Variants in ARL14EP observed in about 807,000 individuals in gnomAD.
ARL14EP encodes the protein ARF like GTPase 14 effector protein.
ARL14EP carries 12 observed loss-of-function variants against 23.1 expected under a neutral mutation model. The observed-to-expected ratio is 0.52, with a 90% CI of 0.33 to 0.84. The LOEUF is 0.84. Ranked by LOEUF, ARL14EP falls within the 40% of genes least tolerant of loss-of-function variation. ARL14EP has a pLI of 0.02. For synonymous variants in ARL14EP, 97 were observed against 102.0 expected, an observed-to-expected ratio of 0.95 and a Z score of 0.29; for missense variants, 253 against 307.3, an observed-to-expected ratio of 0.82 and a Z score of 1.32.
rs373951489 is a variant in ARL14EP, at chr11:30,330,752, A to G, written c.-63-134A>G. On this transcript the variant is annotated intron_variant, in intron 1 of 3. Transcript: ENST00000282032. Reference sequence around the variant, plus strand: ...GCTTCTGTTTGATTATTAAATGTCTATTATAAGACTTCGATAAATACCTTT... The same window carrying G: ...GCTTCTGTTTGATTATTAAATGTCTGTTATAAGACTTCGATAAATACCTTT... The G allele has an allele frequency of 1.0e-3, 602 of 579,602 alleles. 6 individuals are homozygous for G. In the South Asian group the frequency reaches 0.012, roughly 11 times the overall value. The allele number at this position is 579,602 out of a possible 1,614,324, so 35.9% of individuals were successfully genotyped here. A position where few individuals can be genotyped will look rare whatever the true frequency, so the allele number is the denominator to read the frequency against.
chr11:30,333,201 C>T (rs1375331556), intron 3 of ARL14EP, among the ~76,000 whole-genome samples: 3 of 152,094 alleles, frequency 2.0e-5, no homozygotes, highest in Non-Finnish European at 4.4e-5. Context: ...AAGAAGGTAG[C>T]AGTGAACTGA....
At chr11:30,336,177 A>G (rs886772644) in intron 3 of ARL14EP, among the ~76,000 whole-genome samples, 6 of 152,230 alleles carry the variant, frequency 3.9e-5, no homozygotes, top group Non-Finnish European at 8.8e-5. Context: ...CATTAATTGT[A>G]GTATAAAAAT....
intron 1 of ARL14EP, among the ~76,000 whole-genome samples, chr11:30,325,944 A>G (rs531463415): frequency 1.1e-3 from 164 of 152,326 alleles, no homozygotes; most frequent in African/African-American, 3.8e-3. Context: ...AGATGCTGAA[A>G]GAATCAGACT....
chr11:30,331,259 A>G lies in ARL14EP; in HGVS notation c.311A>G (p.Lys104Arg), dbSNP rs1434755613. 1 of 1,613,990 alleles carries G rather than the reference A, an allele frequency of 6.2e-7. No individual in the cohort carries two copies. The change falls in exon 2 of 4, where the codon AAA (lysine) becomes AGA (arginine). Residue 104 changes from lysine (K) to arginine (R), a missense_variant. Physicochemically the swap from Lys to Arg is conservative, Grantham distance 26. Coordinates refer to ENST00000282032, the MANE Select transcript of ARL14EP (RefSeq NM_152316.3). ...DLDDATFLSA[K>R]FGRQLVPGWK... is the part of the protein sequence containing the mutation. ...GATGATGCCACTTTTCTGAGTGCTA[A>G]ATTTGGAAGACAGCTTGTACCTGGT...
At chr11:30,331,567 G>T in intron 2 of ARL14EP, 193 bp downstream of exon 2, 1 of 1,428,208 alleles carries the variant, frequency 7.0e-7, no homozygotes, top group Non-Finnish European at 9.1e-7. Context: ...GATAAAGAAA[G>T]TAGGCCTGGG....
Position 30,337,844 on chromosome 11 carries a change from A to C in ARL14EP, c.*1049A>C, listed in dbSNP as rs1349067832. 1 of 152,260 alleles carries C rather than the reference A, an allele frequency of 6.6e-6. No individual in the cohort carries two copies. The highest frequency in any genetic ancestry group is 2.4e-5 in the African/African-American group (1 of 41,468). The allele number at this position is 152,260 out of a possible 1,614,324, so 9.4% of individuals were successfully genotyped here. A position where few individuals can be genotyped will look rare whatever the true frequency, so the allele number is the denominator to read the frequency against. Reference sequence around the variant, plus strand: ...CCTATTCAAACTACTTTGTTTTTACAATGAAATAAAACACTTTAATTCTAT... The same window carrying C: ...CCTATTCAAACTACTTTGTTTTTACCATGAAATAAAACACTTTAATTCTAT... On this transcript the variant is annotated 3_prime_UTR_variant, in exon 4 of 4. Coordinates refer to ENST00000282032, the MANE Select transcript of ARL14EP (RefSeq NM_152316.3).
chr11:30,335,157 C>T (rs1159084273), intron 3 of ARL14EP, among the ~76,000 whole-genome samples: 3 of 152,040 alleles, frequency 2.0e-5, no homozygotes, highest in Non-Finnish European at 2.9e-5. Flanking sequence ...TAGTTGCAGA[C>T]GTGGTGGAAA....
chr11:30,330,982 C>A lies in ARL14EP; in HGVS notation c.34C>A (p.Arg12Ser). ...MDPCSVGVQLRTTNECHKTYY... is the reference protein window; with the variant it reads ...MDPCSVGVQLSTTNECHKTYY... ...TCCATGTTCAGTTGGAGTCCAGCTTCGTACTACAAATGAGTGCCATAAAAC... is the reference window on the plus strand; with the variant it reads ...TCCATGTTCAGTTGGAGTCCAGCTTAGTACTACAAATGAGTGCCATAAAAC... The change falls in exon 2 of 4, where the codon CGT becomes AGT. Residue 12 changes from arginine (R) to serine (S), a missense_variant. Physicochemically the swap from Arg to Ser is moderately radical, Grantham distance 110. Coordinates refer to ENST00000282032, the MANE Select transcript of ARL14EP (RefSeq NM_152316.3). 1 of 1,613,744 alleles carries A rather than the reference C, an allele frequency of 6.2e-7. No individual in the cohort carries two copies. The highest frequency in any genetic ancestry group is 1.1e-5 in the South Asian group (1 of 91,070).
intron 1 of ARL14EP, among the ~76,000 whole-genome samples, chr11:30,323,442 C>T (rs1263516054): frequency 6.6e-6 from 1 of 152,244 alleles, no homozygotes; most frequent in Non-Finnish European, 1.5e-5. Flanking sequence ...CCTCTGACCT[C>T]TCTGAGGGTC....
At chr11:30,335,784 G>C (rs1473218279) in intron 3 of ARL14EP, among the ~76,000 whole-genome samples, 2 of 151,808 alleles carry the variant, frequency 1.3e-5, no homozygotes, top group African/African-American at 4.8e-5. Context: ...ATATGTGTGT[G>C]TGTGTGTGTG....
At chr11:30,328,623 T>A (rs1947260045) in intron 1 of ARL14EP, 1 of 152,214 alleles carries the variant, frequency 6.6e-6, no homozygotes, top group South Asian at 2.1e-4. Flanking sequence ...AAAGTGTATT[T>A]TATTTTTTAA....
In ARL14EP at chr11:30,335,799, T is replaced by A. The variant is rs911032752; in HGVS notation, c.555-768T>A. Reference sequence around the variant, plus strand: ...ATATGTGTGTGTGTGTGTGTGTGTGTGACTCACTTTATTGGGGGTGGTCTG... The same window carrying A: ...ATATGTGTGTGTGTGTGTGTGTGTGAGACTCACTTTATTGGGGGTGGTCTG... On this transcript the variant is annotated intron_variant, in intron 3 of 3. Transcript: ENST00000282032. Among the ~76,000 whole-genome samples the A allele has an allele frequency of 2.5e-3, 370 of 147,552 alleles. 3 individuals carry two copies. The highest frequency in any genetic ancestry group is 8.3e-3 in the African/African-American group (331 of 39,864).
At chr11:30,333,043 A>C (rs756966084) in intron 3 of ARL14EP, 50 bp downstream of exon 3, 27 of 1,604,220 alleles carry the variant, frequency 1.7e-5, no homozygotes, top group Admixed American at 5.0e-5. Context: ...TCACATCTGC[A>C]TTGTTCCCCT....
intron 1 of ARL14EP, chr11:30,330,523 A>C (rs1327674734): frequency 6.0e-6 from 1 of 166,792 alleles, no homozygotes; most frequent in Admixed American, 5.9e-5. Flanking sequence ...TGTAAGAGTC[A>C]CATATTTTGT....
intron 3 of ARL14EP, among the ~76,000 whole-genome samples, chr11:30,334,536 G>A (rs1250505681): frequency 6.6e-6 from 1 of 152,128 alleles, no homozygotes; most frequent in African/African-American, 2.4e-5. Context: ...TCTAATGGAA[G>A]AAGATGCCGT....
In ARL14EP at chr11:30,337,059, G is replaced by C. The variant is rs878990750; in HGVS notation, c.*264G>C. 42 of 407,290 alleles carry C rather than the reference G, an allele frequency of 1.0e-4. No homozygotes were observed. The South Asian group carries it at 1.2e-3, about 12-fold the overall frequency. The allele number at this position is 407,290 out of a possible 1,614,324, so 25.2% of individuals were successfully genotyped here. A position where few individuals can be genotyped will look rare whatever the true frequency, so the allele number is the denominator to read the frequency against. Reference sequence around the variant, plus strand: ...TCCTCTATTTGCATGTTTCCCATGGGCACAAATTTCAGTGACCTAGATTTA... The same window carrying C: ...TCCTCTATTTGCATGTTTCCCATGGCCACAAATTTCAGTGACCTAGATTTA... On this transcript the variant is annotated 3_prime_UTR_variant, in exon 4 of 4. Transcript: ENST00000282032.
At chr11:30,335,007 G>C (rs1947320293) in intron 3 of ARL14EP, among the ~76,000 whole-genome samples, 1 of 152,224 alleles carries the variant, frequency 6.6e-6, no homozygotes, top group Non-Finnish European at 1.5e-5. Flanking sequence ...AGCTGCCATA[G>C]ACAGTGAGTG....
At chr11:30,330,269 A>G (rs541538288) in intron 1 of ARL14EP, 7 of 152,408 alleles carry the variant, frequency 4.6e-5, no homozygotes, top group Non-Finnish European at 7.3e-5. Flanking sequence ...CTTCAGGATT[A>G]CCTTGGCTTT....
intron 1 of ARL14EP, chr11:30,328,146 T>A (rs909440768): frequency 8.0e-5 from 12 of 149,796 alleles, no homozygotes; most frequent in Admixed American, 2.7e-4. Context: ...AAATTTTTTT[T>A]ATTTTTTTAT....
Sources: allele counts gnomAD v4.1 joint callset (sites outside exome capture counted in the v4.1 genomes callset), GRCh38; gene constraint gnomAD v4.1.1; transcripts MANE v1.5; gene names NCBI Gene and HGNC (gene_info 2026-07-23, HGNC 2026-07-21).